Variants in COBL observed in about 807,000 individuals in gnomAD.
COBL encodes the protein cordon-bleu WH2 repeat protein.
In COBL, 51 loss-of-function variants were observed where a neutral mutation model predicts 98.8. The observed-to-expected ratio is 0.52, with a 90% confidence interval of 0.41 to 0.65. The LOEUF (loss-of-function observed/expected upper bound fraction) is 0.65. Among genes scored for constraint, COBL ranks in the 30% least tolerant of loss-of-function variants. The pLI is 0.00. For synonymous variants in COBL, 634 were observed against 651.7 expected (o/e 0.97, Z 0.41); for missense variants, 1,617 against 1,617.5 (o/e 1.00, Z 0.01).
At chr7:51,224,006 C>G (rs1011083102) in intron 1 of COBL, among the ~76,000 whole-genome samples, 1 of 152,152 alleles carries the variant, frequency 6.6e-6, no homozygotes, top group Admixed American at 6.5e-5. Flanking sequence ...TAATACCTTT[C>G]CTATGGTTAG....
chr7:51,179,152 C>T (rs1036594630), intron 5 of COBL, among the ~76,000 whole-genome samples: 7 of 152,144 alleles, frequency 4.6e-5, no homozygotes, highest in African/African-American at 9.7e-5. Context: ...ACTCCAAAAG[C>T]GGCATATTAG....
chr7:51,069,998 C>T (rs1031599538), intron 7 of COBL, among the ~76,000 whole-genome samples: 3 of 152,036 alleles, frequency 2.0e-5, no homozygotes, highest in African/African-American at 7.2e-5. Context: ...AAAATATACT[C>T]AGAGCCTTAT....
intron 1 of COBL, among the ~76,000 whole-genome samples, chr7:51,228,175 C>T (rs531363712): frequency 5.9e-5 from 9 of 152,184 alleles, no homozygotes; most frequent in South Asian, 2.1e-4. Context: ...GACGTGGCCA[C>T]GCTGTGCATC....
At chr7:51,124,815 T>C (rs563583498) in intron 6 of COBL, among the ~76,000 whole-genome samples, 1 of 152,158 alleles carries the variant, frequency 6.6e-6, no homozygotes, top group Non-Finnish European at 1.5e-5. Flanking sequence ...TTTCTTTCTT[T>C]CTTTCTTTAT....
intron 1 of COBL, among the ~76,000 whole-genome samples, chr7:51,244,464 A>C (rs951749444): frequency 1.3e-5 from 2 of 150,922 alleles, no homozygotes; most frequent in African/African-American, 2.4e-5. Flanking sequence ...CAAAACCTTC[A>C]ATTAGGGAAC....
chr7:51,225,071 C>T (rs1393175850), intron 1 of COBL, among the ~76,000 whole-genome samples: 1 of 152,178 alleles, frequency 6.6e-6, no homozygotes, highest in African/African-American at 2.4e-5. Context: ...GGCTTGTTCC[C>T]CATTGTCTGT....
intron 8 of COBL, among the ~76,000 whole-genome samples, chr7:51,038,997 A>G (rs1562829554): frequency 1.3e-5 from 2 of 151,954 alleles, no homozygotes; most frequent in Admixed American, 6.5e-5. Flanking sequence ...AACCAGGTAT[A>G]GGGGGTCATC....
intron 5 of COBL, among the ~76,000 whole-genome samples, chr7:51,181,015 T>G (rs1788893579): frequency 6.6e-6 from 1 of 152,190 alleles, no homozygotes. Flanking sequence ...GCTAATAAAT[T>G]TCTGACGTGA....
chr7:51,175,414 T>C (rs1475589802), intron 5 of COBL, among the ~76,000 whole-genome samples: 1 of 152,206 alleles, frequency 6.6e-6, no homozygotes, highest in Non-Finnish European at 1.5e-5. Context: ...AAAAACTCTT[T>C]AAATGCCTAA....
rs1584450723 is a variant in COBL, at chr7:51,302,999, A to G, written c.41+13594T>C. Among the ~76,000 whole-genome samples the G allele has an allele frequency of 2.0e-5, 3 of 152,248 alleles. No homozygotes were observed. In the South Asian group the frequency reaches 6.2e-4, roughly 32 times the overall value. ...GCAATGCTGCAACTATGACAACAATACCCCACTCACAGGGCTGCCGGCTCA... is the reference window on the plus strand; with the variant it reads ...GCAATGCTGCAACTATGACAACAATGCCCCACTCACAGGGCTGCCGGCTCA... On this transcript the variant is annotated intron_variant, in intron 1 of 12. Transcript: ENST00000265136.
At chr7:51,311,936 A>C (rs1458082474) in intron 1 of COBL, among the ~76,000 whole-genome samples, 1 of 152,084 alleles carries the variant, frequency 6.6e-6, no homozygotes, top group Non-Finnish European at 1.5e-5. Context: ...GAAAAAAAAA[A>C]CCACACAATT....
chr7:51,170,536 T>C (rs1298369953), intron 5 of COBL, among the ~76,000 whole-genome samples: 1 of 147,180 alleles, frequency 6.8e-6, no homozygotes, highest in Non-Finnish European at 1.5e-5. Flanking sequence ...TATATAAATA[T>C]ATATCACATA....
intron 6 of COBL, among the ~76,000 whole-genome samples, chr7:51,096,205 T>A (rs912301304): frequency 6.6e-6 from 1 of 152,130 alleles, no homozygotes; most frequent in Non-Finnish European, 1.5e-5. Flanking sequence ...TAGAAATCAA[T>A]AGTAAAACGA....
chr7:51,101,189 C>G (rs73695301), intron 6 of COBL, among the ~76,000 whole-genome samples: 168 of 152,318 alleles, frequency 1.1e-3, no homozygotes, highest in African/African-American at 4.0e-3. Flanking sequence ...ATTAAGATAA[C>G]ATGCTTGAAA....
chr7:51,200,495 GA>G (rs532062602), intron 2 of COBL, among the ~76,000 whole-genome samples: 2 of 152,182 alleles, frequency 1.3e-5, no homozygotes, highest in Non-Finnish European at 2.9e-5. Flanking sequence ...GTGTCTGTGG[GA>G]GGGGGAAGTA....
intron 1 of COBL, among the ~76,000 whole-genome samples, chr7:51,239,546 C>T (rs1390955751): frequency 6.6e-6 from 1 of 152,208 alleles, no homozygotes; most frequent in Non-Finnish European, 1.5e-5. Flanking sequence ...AACCAGGACT[C>T]GCGCTACTGC....
In COBL at chr7:51,029,128, G is replaced by A. The variant is rs202194588; in HGVS notation, c.1968C>T (p.Asp656=). The change falls in exon 10 of 13, where the codon GAC becomes GAT. Residue 656 remains aspartate, a synonymous_variant. Transcript: ENST00000265136. ...TCTCTGTGGCTTGAGTCCTCTCCCC[G>A]TCAGCACAGCCATACACTTTGTCTT... ...KVKDKVYGCA[D]GERTQATERV... is the part of the protein sequence containing the mutation. The A allele has an allele frequency of 2.7e-5, 44 of 1,614,114 alleles. No individual in the cohort carries two copies. Among genetic ancestry groups the A allele is most frequent in the South Asian group, 1.8e-4 (16 of 91,070 alleles).
At chr7:51,208,553 G>A (rs190663479) in intron 2 of COBL, among the ~76,000 whole-genome samples, 4,250 of 152,324 alleles carry the variant, frequency 0.028, 185 homozygotes, top group African/African-American at 0.097. Flanking sequence ...CACCCCATCT[G>A]GGAGGCGTGC....
At chr7:51,099,530 A>G (rs1351388149) in intron 6 of COBL, among the ~76,000 whole-genome samples, 1 of 152,206 alleles carries the variant, frequency 6.6e-6, no homozygotes, top group Non-Finnish European at 1.5e-5. Flanking sequence ...CATTTACATG[A>G]GCTATATAAA....
Sources: gnomAD v4.1 joint callset for allele counts (sites outside exome capture counted in the v4.1 genomes callset) on GRCh38, gnomAD v4.1.1 for gene constraint, MANE v1.5 for transcripts, NCBI Gene and HGNC (gene_info 2026-07-23, HGNC 2026-07-21) for gene names.